Variants in USH2A observed in about 807,000 individuals in gnomAD.
The protein encoded by USH2A is usherin, also known as Usher syndrome 2A (autosomal recessive, mild).
Under a neutral mutation model 538.9 loss-of-function variants are expected in USH2A, and 443 were observed. That is an observed-to-expected ratio of 0.82 (90% confidence interval 0.76 to 0.89). USH2A has a LOEUF of 0.89. Ranked by LOEUF, USH2A falls within the 40% of genes least tolerant of loss-of-function variation. The pLI, the probability that USH2A is intolerant of heterozygous loss-of-function variation, is 0.00. For missense variants in USH2A, 6,633 were observed against 6,324.8 expected, an observed-to-expected ratio of 1.05 and a Z score of -1.65; for synonymous variants, 2,413 against 2,273.5, an observed-to-expected ratio of 1.06 and a Z score of -1.75.
At chr1:216,076,352 A>T (rs2031749813) in intron 27 of USH2A, among the ~76,000 whole-genome samples, 1 of 152,186 alleles carries the variant, frequency 6.6e-6, no homozygotes, top group African/African-American at 2.4e-5. Context: ...AGACTTAGTC[A>T]TAGTGTGTAG....
At chr1:215,804,597 C>T (rs1662439518) in intron 49 of USH2A, among the ~76,000 whole-genome samples, 1 of 147,688 alleles carries the variant, frequency 6.8e-6, no homozygotes, top group South Asian at 2.1e-4. Flanking sequence ...CTATCTCACA[C>T]CAGTTAGAAT....
chr1:216,196,825 C>T, intron 18 of USH2A, 103 bp from the exon 19 acceptor site: 2 of 1,343,998 alleles, frequency 1.5e-6, no homozygotes, highest in Non-Finnish European at 2.1e-6. Flanking sequence ...AATACCTTTA[C>T]CTTTTAAAAT....
In USH2A at chr1:216,422,390, G is replaced by T; in HGVS notation, c.-54C>A. ...AAAGCATTTCTAAATAAATAATCAG[G>T]CCCACGCCACTTGCCAGCAATACTT... is the stretch of plus-strand genomic sequence containing the variant. On this transcript the variant is annotated 5_prime_UTR_variant, in exon 2 of 72. Coordinates refer to ENST00000307340, the MANE Select transcript of USH2A (RefSeq NM_206933.4). 1 of 1,610,716 alleles carries T rather than the reference G, an allele frequency of 6.2e-7. No homozygotes were observed. The highest frequency in any genetic ancestry group is 1.1e-5 in the South Asian group (1 of 90,614).
chr1:216,323,916 T>C (rs11801915), intron 7 of USH2A, among the ~76,000 whole-genome samples: 367 of 152,230 alleles, frequency 2.4e-3, no homozygotes, highest in African/African-American at 8.5e-3. Flanking sequence ...TCTATTTACA[T>C]AGATAACTTG....
At chr1:216,338,776 A>G (rs1056606373) in intron 4 of USH2A, among the ~76,000 whole-genome samples, 2 of 151,618 alleles carry the variant, frequency 1.3e-5, no homozygotes, top group African/African-American at 4.8e-5. Flanking sequence ...CAAATGCCAT[A>G]TGTTTCAATA....
In USH2A at chr1:215,786,886, G is replaced by A. The variant is rs747413632; in HGVS notation, c.10183-12C>T. The A allele has an allele frequency of 6.3e-5, 101 of 1,613,352 alleles. No individual in the cohort carries two copies. In the Admixed American group the frequency reaches 1.6e-3, roughly 26 times the overall value. ...CACTCTTTGGTTTCCTGAGTCAAGT[G>A]GCAGGGGTGAGAGAGAGAGGGGTAT... On this transcript the variant is annotated splice_polypyrimidine_tract_variant and intron_variant, in intron 51 of 71. Transcript: ENST00000307340.
intron 33 of USH2A, 149 bp downstream of exon 33, chr1:216,000,254 A>G (rs963450308): frequency 9.1e-7 from 1 of 1,103,782 alleles, no homozygotes; most frequent in Non-Finnish European, 1.3e-6. Context: ...GGCAAGTGAT[A>G]ATCAAAGGTT....
At chr1:216,217,674 G>T (rs2035369610) in intron 14 of USH2A, 124 bp from the exon 15 acceptor site, 3 of 1,107,006 alleles carry the variant, frequency 2.7e-6, no homozygotes, top group Middle Eastern at 2.3e-4. Flanking sequence ...ATATTGAAAA[G>T]AATGCTTGAG....
At chr1:215,836,471 TATATATATAATATATATTATATATATA>T (rs1558119738) in intron 47 of USH2A, among the ~76,000 whole-genome samples, 533 of 12,900 alleles carry the variant, frequency 0.041, 61 homozygotes, top group Admixed American at 0.1. Flanking sequence ...ATATTATATA[TATATATATAATATATATTATATATATA>T]ATATATATTA....
At chr1:216,047,164 C>G (rs1159143087) in intron 31 of USH2A, among the ~76,000 whole-genome samples, 1 of 152,016 alleles carries the variant, frequency 6.6e-6, no homozygotes, top group Non-Finnish European at 1.5e-5. Flanking sequence ...ACTCCTCTAT[C>G]ATTTAGTAAA....
chr1:216,190,777 A>T (rs2034699052), intron 19 of USH2A, among the ~76,000 whole-genome samples: 1 of 152,022 alleles, frequency 6.6e-6, no homozygotes, highest in African/African-American at 2.4e-5. Flanking sequence ...TGATGGTGCT[A>T]GGACAGAAAG....
At chr1:216,101,657 G>A (rs941488342) in intron 21 of USH2A, among the ~76,000 whole-genome samples, 2 of 152,208 alleles carry the variant, frequency 1.3e-5, no homozygotes, top group Non-Finnish European at 2.9e-5. Context: ...AAAATGGGCA[G>A]ACAAGTGAAA....
chr1:215,713,071 T>G (rs1192447344), intron 61 of USH2A, among the ~76,000 whole-genome samples: 1 of 152,184 alleles, frequency 6.6e-6, no homozygotes, highest in East Asian at 1.9e-4. Flanking sequence ...CTTCCCAAAG[T>G]GCTGGGATTA....
intron 3 of USH2A, among the ~76,000 whole-genome samples, chr1:216,382,700 G>A (rs1466276266): frequency 2.0e-5 from 3 of 152,038 alleles, no homozygotes; most frequent in Admixed American, 6.5e-5. Context: ...CGTGAAAAGT[G>A]CATAGTGTTA....
chr1:215,819,713 C>T (rs927727226), intron 47 of USH2A, among the ~76,000 whole-genome samples: 7 of 151,782 alleles, frequency 4.6e-5, no homozygotes, highest in Admixed American at 1.3e-4. Flanking sequence ...ACGTAGAGCA[C>T]GTTCCATGCC....
In USH2A at chr1:216,067,416, T is replaced by TA. The variant is rs1184616284; in HGVS notation, c.6049+2684dup. On this transcript the variant is annotated intron_variant, in intron 30 of 71. Coordinates refer to ENST00000307340, the MANE Select transcript of USH2A (RefSeq NM_206933.4). ...TGTATCCCAGAACTTAAAGTATAATTAAAAAAAAAAGAAAGAAAGTTTTTG... is the reference window on the plus strand; with the variant it reads ...TGTATCCCAGAACTTAAAGTATAATTAAAAAAAAAAAGAAAGAAAGTTTTTG... 1.8e-3 allele frequency among the ~76,000 whole-genome samples: 234 copies of TA among 132,950 alleles called. 1 individual carries two copies. In the South Asian group the frequency reaches 0.028, roughly 16 times the overall value. The allele number at this position is 132,950 out of a possible 152,430, so 87.2% of individuals were successfully genotyped here.
intron 11 of USH2A, among the ~76,000 whole-genome samples, chr1:216,256,439 C>T (rs2036261841): frequency 6.6e-6 from 1 of 151,158 alleles, no homozygotes; most frequent in Non-Finnish European, 1.5e-5. Context: ...TTTTATCCTA[C>T]ATCTTTATCA....
chr1:215,646,033 C>T (rs1351298279), intron 67 of USH2A, among the ~76,000 whole-genome samples: 5 of 151,506 alleles, frequency 3.3e-5, no homozygotes, highest in Non-Finnish European at 7.4e-5. Context: ...AATACAATAA[C>T]GTCAAGTATA....
intron 35 of USH2A, among the ~76,000 whole-genome samples, chr1:215,976,611 G>GT (rs1161399708): frequency 1.3e-5 from 2 of 152,074 alleles, no homozygotes; most frequent in Non-Finnish European, 2.9e-5. Context: ...GATGAATCAT[G>GT]TTTTTAAATA....
Sources: gnomAD v4.1 joint callset for allele counts (sites outside exome capture counted in the v4.1 genomes callset) on GRCh38, gnomAD v4.1.1 for gene constraint, MANE v1.5 for transcripts, NCBI Gene and HGNC (gene_info 2026-07-23, HGNC 2026-07-21) for gene names.